Variants in PDE10A observed in about 807,000 individuals in gnomAD.
PDE10A encodes phosphodiesterase 10A.
PDE10A carries 39 observed loss-of-function variants against 97.7 expected under a neutral mutation model. The ratio of observed to expected loss-of-function variants is 0.40; its 90% CI spans 0.31 to 0.52. The LOEUF (loss-of-function observed/expected upper bound fraction) is 0.52, where lower values mean the gene tolerates loss of function less well. Ranked by LOEUF, PDE10A falls within the 20% of genes least tolerant of loss-of-function variation. PDE10A has a pLI of 0.56. For missense variants in PDE10A, 731 were observed against 1,047.8 expected, an observed-to-expected ratio of 0.70 and a Z score of 4.17; for synonymous variants, 371 against 376.8, an observed-to-expected ratio of 0.98 and a Z score of 0.18.
chr6:165,371,550 G>C (rs1583139545), intron 18 of PDE10A, among the ~76,000 whole-genome samples: 1 of 152,044 alleles, frequency 6.6e-6, no homozygotes, highest in East Asian at 1.9e-4. Context: ...TCTCTGAATA[G>C]ACCAATAACA....
chr6:165,542,550 A>C (rs1383780644), intron 2 of PDE10A, among the ~76,000 whole-genome samples: 1 of 151,730 alleles, frequency 6.6e-6, no homozygotes, highest in East Asian at 1.9e-4. Context: ...AAAAGTTAAA[A>C]CAGTGGTTCT....
intron 1 of PDE10A, among the ~76,000 whole-genome samples, chr6:165,985,165 T>G (rs1785150437): frequency 6.6e-6 from 1 of 152,150 alleles, no homozygotes; most frequent in Non-Finnish European, 1.5e-5. Flanking sequence ...AGACTCAGAT[T>G]CTCCAACATG....
chr6:165,541,461 G>C (rs577495712), intron 2 of PDE10A, among the ~76,000 whole-genome samples: 1 of 152,148 alleles, frequency 6.6e-6, no homozygotes, highest in South Asian at 2.1e-4. Context: ...TGGGAGGTAG[G>C]AAATGACACA....
intron 19 of PDE10A, among the ~76,000 whole-genome samples, chr6:165,341,841 A>C (rs950046960): frequency 1.6e-4 from 24 of 152,204 alleles, no homozygotes; most frequent in Non-Finnish European, 3.5e-4. Context: ...TTTTACTGTG[A>C]TACACAATTT....
chr6:165,442,016 G>C (rs1790504783), intron 5 of PDE10A, among the ~76,000 whole-genome samples: 1 of 151,730 alleles, frequency 6.6e-6, no homozygotes, highest in South Asian at 2.1e-4. Flanking sequence ...TCTATTATTT[G>C]TTTTTAGATT....
chr6:165,848,779 A>C (rs941974079), intron 1 of PDE10A, among the ~76,000 whole-genome samples: 13 of 152,138 alleles, frequency 8.5e-5, no homozygotes, highest in African/African-American at 3.1e-4. Flanking sequence ...AAGGTTGGTT[A>C]ATCAGCGACT....
chr6:165,675,677 C>T (rs942715152), intron 1 of PDE10A, among the ~76,000 whole-genome samples: 1 of 152,138 alleles, frequency 6.6e-6, no homozygotes. Context: ...GACCTCAATG[C>T]CAAGCCTCAT....
chr6:165,644,733 CAG>C (rs1789305940), intron 1 of PDE10A, among the ~76,000 whole-genome samples: 2 of 152,270 alleles, frequency 1.3e-5, no homozygotes, highest in African/African-American at 4.8e-5. Flanking sequence ...TGTCTTAGAA[CAG>C]GGGTAGCCTT....
intron 1 of PDE10A, among the ~76,000 whole-genome samples, chr6:165,654,833 C>T (rs936919761): frequency 6.6e-6 from 1 of 152,182 alleles, no homozygotes; most frequent in African/African-American, 2.4e-5. Context: ...GAGCATCTGG[C>T]TTCTTCCCTC....
At chr6:165,787,483 C>T (rs1288244277) in intron 1 of PDE10A, among the ~76,000 whole-genome samples, 1 of 152,124 alleles carries the variant, frequency 6.6e-6, no homozygotes, top group Non-Finnish European at 1.5e-5. Flanking sequence ...TGGATGGGGA[C>T]AGAGCATCAT....
intron 1 of PDE10A, among the ~76,000 whole-genome samples, chr6:165,835,928 G>A (rs1042792644): frequency 1.3e-5 from 2 of 152,106 alleles, no homozygotes; most frequent in Non-Finnish European, 2.9e-5. Context: ...GTTCAGCCTC[G>A]CCCCACGCTG....
Position 165,662,912 on chromosome 6 carries a change from C to G in PDE10A, c.-101G>C, listed in dbSNP as rs1790364917. Reference sequence around the variant, plus strand: ...CCCCGCAGGACCTGCCCACCCCTGCCGGCCGCCCGAACCGCTGCCTGGTCC... The same window carrying G: ...CCCCGCAGGACCTGCCCACCCCTGCGGGCCGCCCGAACCGCTGCCTGGTCC... On this transcript the variant is annotated 5_prime_UTR_variant, in exon 1 of 22. Coordinates refer to ENST00000539869, the MANE Select transcript of PDE10A (RefSeq NM_001385079.1). Among the ~76,000 whole-genome samples, 1 of 151,038 alleles carries G rather than the reference C, an allele frequency of 6.6e-6. No homozygotes were observed. Among genetic ancestry groups the G allele is most frequent in the East Asian group, 2.0e-4 (1 of 4,986 alleles).
intron 2 of PDE10A, among the ~76,000 whole-genome samples, chr6:165,503,682 C>T (rs772144816): frequency 9.9e-5 from 15 of 152,198 alleles, no homozygotes; most frequent in Non-Finnish European, 1.9e-4. Flanking sequence ...TAGAAAGAAG[C>T]CATTAAAGAC....
chr6:165,956,146 T>C (rs1463740791), intron 1 of PDE10A, among the ~76,000 whole-genome samples: 3 of 152,254 alleles, frequency 2.0e-5, no homozygotes, highest in African/African-American at 7.2e-5. Context: ...GTAAAATTCG[T>C]GTCATAATAG....
At chr6:165,927,595 A>G (rs1782976640) in intron 1 of PDE10A, among the ~76,000 whole-genome samples, 1 of 141,672 alleles carries the variant, frequency 7.1e-6, no homozygotes, top group Non-Finnish European at 1.5e-5. Context: ...TCTTGCTTAT[A>G]TGTCTTTTTT....
At chr6:165,339,070 A>AT (rs1268991210) in intron 20 of PDE10A, among the ~76,000 whole-genome samples, 5 of 152,324 alleles carry the variant, frequency 3.3e-5, no homozygotes, top group African/African-American at 1.2e-4. Flanking sequence ...TGAGTAGATG[A>AT]TTATTCAGGG....
chr6:165,935,256 C>A (rs558970316), intron 1 of PDE10A, among the ~76,000 whole-genome samples: 8 of 151,936 alleles, frequency 5.3e-5, no homozygotes, highest in South Asian at 4.2e-4. Context: ...CTCTAAATAG[C>A]GTAGGAAAGA....
intron 1 of PDE10A, among the ~76,000 whole-genome samples, chr6:165,783,098 T>TC (rs397760546): frequency 9.9e-5 from 15 of 152,124 alleles, no homozygotes; most frequent in African/African-American, 3.6e-4. Flanking sequence ...TAACATTTTT[T>TC]GGCTACTTAG....
chr6:165,412,716 G>T (rs193079920), intron 13 of PDE10A, among the ~76,000 whole-genome samples: 1 of 152,178 alleles, frequency 6.6e-6, no homozygotes, highest in Admixed American at 6.5e-5. Flanking sequence ...GAGTTACACG[G>T]TTACTCCTAT....
Sources: allele counts gnomAD v4.1 joint callset (sites outside exome capture counted in the v4.1 genomes callset), GRCh38; gene constraint gnomAD v4.1.1; transcripts MANE v1.5; gene names NCBI Gene and HGNC (gene_info 2026-07-23, HGNC 2026-07-21).